The following SCAI variants were observed in gnomAD, a reference collection of about 807,000 sequenced individuals.
SCAI encodes suppressor of cancer cell invasion, also known as protein SCAI.
SCAI carries 24 observed loss-of-function variants against 92.2 expected under a neutral mutation model. The ratio of observed to expected loss-of-function variants is 0.26; its 90% CI spans 0.19 to 0.37. SCAI has a LOEUF of 0.37. Ranked by LOEUF, SCAI falls within the 10% of genes least tolerant of loss-of-function variation. SCAI has a pLI of 1.00. For synonymous variants in SCAI, 261 were observed against 258.6 expected (o/e 1.01, Z -0.09); for missense variants, 450 against 736.2 (o/e 0.61, Z 4.50).
chr9:124,944,439 A>T lies in SCAI; in HGVS notation c.*8368T>A. ...CTCAGCCTCCCAAGTAGCTGGGATTACAGGCGCACACCACCATGCCTGGCT... is the reference window on the plus strand; with the variant it reads ...CTCAGCCTCCCAAGTAGCTGGGATTTCAGGCGCACACCACCATGCCTGGCT... On this transcript the variant is annotated 3_prime_UTR_variant, in exon 18 of 18. Transcript: ENST00000336505. 6.9e-6 allele frequency: 1 copy of T among 145,744 alleles called. No homozygotes were observed. The highest frequency in any genetic ancestry group is 2.6e-5 in the African/African-American group (1 of 38,902). The allele number at this position is 145,744 out of a possible 1,614,324, so 9.0% of individuals were successfully genotyped here.
At chr9:125,018,359 G>C (rs781470879) in intron 9 of SCAI, among the ~76,000 whole-genome samples, 7 of 152,098 alleles carry the variant, frequency 4.6e-5, no homozygotes, top group Non-Finnish European at 1.0e-4. Context: ...GCTTCCCAAA[G>C]TGCTGAGATT....
chr9:124,969,061 G>A (rs181768512), intron 17 of SCAI, among the ~76,000 whole-genome samples: 71 of 151,916 alleles, frequency 4.7e-4, no homozygotes, highest in Admixed American at 2.6e-3. Context: ...TCCCACCTTA[G>A]CCTCCTGAAG....
At chr9:125,011,609 G>C (rs1832642201) in intron 9 of SCAI, among the ~76,000 whole-genome samples, 2 of 152,198 alleles carry the variant, frequency 1.3e-5, no homozygotes, top group Admixed American at 1.3e-4. Context: ...AAAACACTCT[G>C]CGGATATTAT....
At chr9:125,116,845 C>T (rs1204060580) in intron 2 of SCAI, among the ~76,000 whole-genome samples, 1 of 151,888 alleles carries the variant, frequency 6.6e-6, no homozygotes, top group East Asian at 1.9e-4. Context: ...TAGTATTTTC[C>T]ATAAAATAAA....
chr9:125,024,277 G>GT (rs777338173), intron 6 of SCAI, among the ~76,000 whole-genome samples: 2,387 of 137,400 alleles, frequency 0.017, 27 homozygotes, highest in African/African-American at 0.034. Context: ...TTTTTATGAA[G>GT]TTTTTTTTTT....
intron 17 of SCAI, among the ~76,000 whole-genome samples, chr9:124,966,324 G>A (rs1050117804): frequency 4.0e-5 from 6 of 150,142 alleles, no homozygotes; most frequent in African/African-American, 9.8e-5. Context: ...GAGAACATGC[G>A]GTGTTTGGTT....
At chr9:125,040,775 A>G (rs1588171050) in intron 3 of SCAI, among the ~76,000 whole-genome samples, 1 of 150,022 alleles carries the variant, frequency 6.7e-6, no homozygotes, top group African/African-American at 2.4e-5. Context: ...ACAGGTGCAC[A>G]CCACCATGTC....
intron 3 of SCAI, among the ~76,000 whole-genome samples, chr9:125,054,064 T>A (rs1007026921): frequency 5.3e-5 from 8 of 152,198 alleles, no homozygotes; most frequent in African/African-American, 1.9e-4. Context: ...AGCCTCGATC[T>A]CCTGGGCTTG....
intron 2 of SCAI, among the ~76,000 whole-genome samples, chr9:125,083,746 G>A (rs1301378063): frequency 6.6e-6 from 1 of 152,068 alleles, no homozygotes; most frequent in African/African-American, 2.4e-5. Flanking sequence ...TATTTTTCCA[G>A]GTGCTAGAAC....
chr9:125,096,815 G>A (rs1834562587), intron 2 of SCAI, among the ~76,000 whole-genome samples: 1 of 152,156 alleles, frequency 6.6e-6, no homozygotes, highest in Non-Finnish European at 1.5e-5. Flanking sequence ...TCAAACATGT[G>A]GTTCTCTTAA....
Position 124,950,717 on chromosome 9 carries a change from C to T in SCAI, c.*2090G>A, listed in dbSNP as rs1831222885. 6.6e-6 allele frequency: 1 copy of T among 151,982 alleles called. No homozygotes were observed. The highest frequency in any genetic ancestry group is 6.6e-5 in the Admixed American group (1 of 15,254). The allele number at this position is 151,982 out of a possible 1,614,324, so 9.4% of individuals were successfully genotyped here. On this transcript the variant is annotated 3_prime_UTR_variant, in exon 18 of 18. Coordinates refer to ENST00000336505, the MANE Select transcript of SCAI (RefSeq NM_001144877.3). ...TCCAGGGTAACTTTTCCCAAGCTTT[C>T]TGAAATACTGTTTGAAAGAACAAAC...
At chr9:125,106,073 C>T (rs369873365) in intron 2 of SCAI, among the ~76,000 whole-genome samples, 8 of 109,488 alleles carry the variant, frequency 7.3e-5, no homozygotes, top group African/African-American at 2.6e-4. Flanking sequence ...CTCCAACCTG[C>T]GTGACAGAGT....
At chr9:124,991,990 C>A (rs753813653) in intron 14 of SCAI, among the ~76,000 whole-genome samples, 1 of 152,174 alleles carries the variant, frequency 6.6e-6, no homozygotes, top group African/African-American at 2.4e-5. Context: ...GATCGCAGCT[C>A]ATGCATCTTT....
At chr9:125,096,383 G>A (rs1834553590) in intron 2 of SCAI, among the ~76,000 whole-genome samples, 1 of 152,178 alleles carries the variant, frequency 6.6e-6, no homozygotes, top group African/African-American at 2.4e-5. Context: ...AATTCAAGAT[G>A]AGATTTGGGT....
At chr9:125,108,446 C>G (rs1359303918) in intron 2 of SCAI, among the ~76,000 whole-genome samples, 1 of 151,892 alleles carries the variant, frequency 6.6e-6, no homozygotes, top group East Asian at 1.9e-4. Flanking sequence ...TGCCTGGCCG[C>G]CCATCGTCTG....
intron 3 of SCAI, among the ~76,000 whole-genome samples, chr9:125,037,077 T>C (rs775924489): frequency 2.0e-5 from 3 of 152,168 alleles, no homozygotes; most frequent in Non-Finnish European, 4.4e-5. Flanking sequence ...GAGACCATCC[T>C]GGCCAACATG....
intron 2 of SCAI, among the ~76,000 whole-genome samples, chr9:125,085,987 A>G (rs1421230873): frequency 2.0e-5 from 3 of 152,184 alleles, no homozygotes; most frequent in African/African-American, 7.2e-5. Context: ...CTTAGCAAAC[A>G]TAAGTAGACA....
intron 6 of SCAI, 109 bp downstream of exon 6, chr9:125,026,703 T>G: frequency 1.7e-6 from 1 of 595,878 alleles, no homozygotes; most frequent in Non-Finnish European, 2.9e-6. Flanking sequence ...CAATAAAGCC[T>G]GGTAAACGAG....
intron 3 of SCAI, among the ~76,000 whole-genome samples, chr9:125,037,558 A>G (rs1371470433): frequency 6.6e-6 from 1 of 152,310 alleles, no homozygotes; most frequent in East Asian, 1.9e-4. Context: ...ACCTTAAATA[A>G]GGAAATTGTA....
Sources: allele counts gnomAD v4.1 joint callset (sites outside exome capture counted in the v4.1 genomes callset), GRCh38; gene constraint gnomAD v4.1.1; transcripts MANE v1.5; gene names NCBI Gene and HGNC (gene_info 2026-07-23, HGNC 2026-07-21).